The following FLII variants were observed in gnomAD, a reference collection of about 807,000 sequenced individuals.
FLII encodes FLII actin remodeling protein, also known as protein flightless-1 homolog.
Under a neutral mutation model 156.2 loss-of-function variants are expected in FLII, and 101 were observed. The observed-to-expected ratio is 0.65, with a 90% CI of 0.55 to 0.76. The LOEUF is 0.76. FLII is among the 30% of genes least tolerant of loss of function. The probability of loss-of-function intolerance (pLI) is 0.00; values close to 1 mark genes in which losing one functional copy is unlikely to be tolerated. For missense variants in FLII, 1,675 were observed against 1,682.8 expected, an observed-to-expected ratio of 1.00 and a Z score of 0.08; for synonymous variants, 767 against 685.8, an observed-to-expected ratio of 1.12 and a Z score of -1.85.
At position 18,251,398 on chromosome 17, in the gene FLII, G is replaced by T. The variant is rs767249598; in HGVS notation, c.1463C>A (p.Ser488Tyr). Residue 488 changes from serine to tyrosine, a missense_variant, in exon 13 of 30, where the codon TCC (serine) becomes TAC (tyrosine). Ser to Tyr is a moderately radical substitution (Grantham distance 144). Transcript: ENST00000327031. ...QGLEKPRLDY[S>Y]EFFTEDVGQL... ...GCCCACGTCCTCCGTGAAGAACTCG[G>T]AGTAGTCAAGGCGGGGCTTCTCCAG... is the stretch of plus-strand genomic sequence containing the variant. The T allele has an allele frequency of 1.7e-5, 27 of 1,613,402 alleles. No homozygotes were observed. The highest frequency in any genetic ancestry group is 3.3e-5 in the Admixed American group (2 of 60,008).
At chr17:18,256,416 C>G in intron 3 of FLII, 110 bp downstream of exon 3, 3 of 831,266 alleles carry the variant, frequency 3.6e-6, no homozygotes, top group Non-Finnish European at 5.9e-6. Context: ...GAGCCTGACA[C>G]GGAGGTGGGC....
chr17:18,251,305 T>C lies in FLII; in HGVS notation c.1556A>G (p.His519Arg), dbSNP rs1227418877. 1.2e-6 allele frequency: 2 copies of C among 1,613,986 alleles called. No homozygotes were observed. Among genetic ancestry groups the C allele is most frequent in the South Asian group, 1.1e-5 (1 of 91,084 alleles). The change falls in exon 13 of 30, where the codon CAC becomes CGC. Residue 519 changes from histidine to arginine, a missense_variant. Around this residue, in one of 2 missense-constraint regions of FLII, gnomAD observed 1,332 missense variants for 1,269.3 expected, o/e 1.05. Transcript: ENST00000327031. ...FVPVLVEEAF[H>R]GKFYEADCYI... Reference sequence around the variant, plus strand: ...GCAGTCAGCCTCGTAGAACTTGCCGTGGAAGGCTTCCTCCACCAGCACAGG... The same window carrying C: ...GCAGTCAGCCTCGTAGAACTTGCCGCGGAAGGCTTCCTCCACCAGCACAGG...
intron 27 of FLII, 31 bp from the exon 28 acceptor site, chr17:18,245,691 G>A (rs982751803): frequency 1.2e-6 from 2 of 1,612,122 alleles, no homozygotes; most frequent in Non-Finnish European, 8.5e-7. Flanking sequence ...TGAGGCCAGA[G>A]GTCATAAGCA....
Position 18,245,758 on chromosome 17 carries a change from G to GTGTT in FLII, c.3485_3488dup (p.His1163GlnfsTer19), listed in dbSNP as rs2048020247. On this transcript the variant is annotated frameshift_variant, in exon 27 of 30. Transcript: ENST00000327031. LOFTEE classifies it high-confidence loss of function. ...CCTGGCCTCACCGGAAGAGACGTGT[G>GTGTT]TGTTTCATGTACTCGGCATCGTCAT... 6.8e-6 allele frequency: 11 copies of GTGTT among 1,613,940 alleles called. No individual in the cohort carries two copies. Among genetic ancestry groups the GTGTT allele is most frequent in the Non-Finnish European group, 9.3e-6 (11 of 1,179,892 alleles).
At chr17:18,256,420 G>A (rs748759767) in intron 3 of FLII, 106 bp downstream of exon 3, 305 of 862,406 alleles carry the variant, frequency 3.5e-4, no homozygotes, top group Non-Finnish European at 5.3e-4. Flanking sequence ...CTGACACGGA[G>A]GTGGGCAGAA....
upstream of FLII, chr17:18,258,987 G>C (rs2048513310): frequency 4.8e-6 from 1 of 206,410 alleles, no homozygotes; most frequent in South Asian, 1.9e-4. This position sits in a 1 kb window ranked among gnomAD's most constrained non-coding sequence, Gnocchi z 4.2. Context: ...CGCTGGTCGA[G>C]GCACCGTCAC....
Position 18,252,091 on chromosome 17 carries a change from C to A in FLII, c.1154G>T (p.Arg385Leu). The A allele has an allele frequency of 6.2e-7, 1 of 1,613,424 alleles. No homozygotes were observed. Among genetic ancestry groups the A allele is most frequent in the Non-Finnish European group, 8.5e-7 (1 of 1,180,032 alleles). The change falls in exon 11 of 30, where the codon CGT (arginine) becomes CTT (leucine). Residue 385 changes from arginine to leucine, a missense_variant. This residue lies in a region of FLII where 1,332 missense variants were observed against 1,269.3 expected (regional missense o/e 1.05). Coordinates refer to ENST00000327031, the MANE Select transcript of FLII (RefSeq NM_002018.4). ...NLVMPPKPADRAAEWYNIDFS... is the reference protein window; with the variant it reads ...NLVMPPKPADLAAEWYNIDFS... ...GTCGATGTTGTACCACTCAGCGGCA[C>A]GGTCTGCGGGCTTGGGCGGCATGAC... is the stretch of plus-strand genomic sequence containing the variant.
In FLII at chr17:18,253,414, A is replaced by G; in HGVS notation, c.900T>C (p.Asn300=). Residue 300 remains asparagine, a synonymous_variant, in exon 9 of 30, where the codon AAT becomes AAC. Transcript: ENST00000327031. ...GCCCGTCAAAGTCCAGCTTGTTGGA[A>G]TTCAGGTACAGCTTCTTCAGCTTGC... The part of the protein sequence containing the change: ...KLSKLKKLYL[N]SNKLDFDGLP... 1 of 1,613,898 alleles carries G rather than the reference A, an allele frequency of 6.2e-7. No homozygotes were observed. The highest frequency in any genetic ancestry group is 1.7e-5 in the Admixed American group (1 of 60,022).
intron 9 of FLII, 75 bp from the exon 10 acceptor site, chr17:18,252,631 T>C: frequency 8.3e-7 from 1 of 1,203,308 alleles, no homozygotes; most frequent in Non-Finnish European, 1.2e-6. Context: ...CCCCTAGTCC[T>C]GGGGAGGGGA....
chr17:18,245,077 G>T lies in FLII; in HGVS notation c.*61C>A. The T allele has an allele frequency of 6.4e-7, 1 of 1,551,152 alleles. No individual in the cohort carries two copies. Reference sequence around the variant, plus strand: ...TGTCACCTGAGTACATTCTTTGCTAGCAGACAGTGGATGAGGCCCCTTCCT... The same window carrying T: ...TGTCACCTGAGTACATTCTTTGCTATCAGACAGTGGATGAGGCCCCTTCCT... On this transcript the variant is annotated 3_prime_UTR_variant, in exon 30 of 30. Transcript: ENST00000327031.
In FLII at chr17:18,251,380, T is replaced by C. The variant is rs1291559137; in HGVS notation, c.1481A>G (p.Asp494Gly). ...RLDYSEFFTEDVGQLPGLTIW... is the reference protein window; with the variant it reads ...RLDYSEFFTEGVGQLPGLTIW... The stretch of plus-strand genomic sequence containing the variant: ...GGTCAGTCCGGGCAGCTGGCCCACG[T>C]CCTCCGTGAAGAACTCGGAGTAGTC... The change falls in exon 13 of 30, where the codon GAC becomes GGC. Residue 494 changes from aspartate to glycine, a missense_variant. Coordinates refer to ENST00000327031, the MANE Select transcript of FLII (RefSeq NM_002018.4). 6 of 1,613,632 alleles carry C rather than the reference T, an allele frequency of 3.7e-6. No individual in the cohort carries two copies. Among genetic ancestry groups the C allele is most frequent in the Non-Finnish European group, 5.1e-6 (6 of 1,180,010 alleles).
rs2048446510 is a variant in FLII at position 18,257,209 on chromosome 17, C to G, written c.64-190G>C. 1.1e-5 allele frequency: 6 copies of G among 553,784 alleles called. No individual in the cohort carries two copies. The South Asian group carries it at 1.4e-4, about 13-fold the overall frequency. The allele number at this position is 553,784 out of a possible 1,614,324, so 34.3% of individuals were successfully genotyped here. A position where few individuals can be genotyped will look rare whatever the true frequency, so the allele number is the denominator to read the frequency against. On this transcript the variant is annotated intron_variant, in intron 1 of 29. Transcript: ENST00000327031. Reference sequence around the variant, plus strand: ...ATGGGAATTTTAAGCCCCCCCGTGACAAAAGTGTTGGCCTAAGATTTGTCT... The same window carrying G: ...ATGGGAATTTTAAGCCCCCCCGTGAGAAAAGTGTTGGCCTAAGATTTGTCT...
At chr17:18,247,484 A>G (rs531200574) in intron 20 of FLII, 127 bp from the exon 21 acceptor site, 14 of 1,091,454 alleles carry the variant, frequency 1.3e-5, no homozygotes, top group Non-Finnish European at 1.7e-5. Flanking sequence ...GGCCTCGGAC[A>G]CGGAGGTAGG....
rs1167948079 is a variant in FLII, at chr17:18,248,718, G to A, written c.2022C>T (p.Leu674=). ...CATTCTTGTTAATTTTCTCTGCAAA[G>A]AGCCTGAGAGCAGGATGCAAAGTCA... is the stretch of plus-strand genomic sequence containing the variant. The part of the protein sequence containing the change: ...ATLSSTTKAR[L]FAEKINKNER... The change falls in exon 18 of 30, where the codon CTC becomes CTT. Residue 674 remains leucine (L), a synonymous_variant. Coordinates refer to ENST00000327031, the MANE Select transcript of FLII (RefSeq NM_002018.4). 1 of 1,613,622 alleles carries A rather than the reference G, an allele frequency of 6.2e-7. No homozygotes were observed.
rs756042691 is a variant in FLII, at chr17:18,245,088, A to C, written c.*50T>G. 72 of 1,571,558 alleles carry C rather than the reference A, an allele frequency of 4.6e-5. No homozygotes were observed. The highest frequency in any genetic ancestry group is 6.2e-5 in the Non-Finnish European group (72 of 1,154,140). On this transcript the variant is annotated 3_prime_UTR_variant, in exon 30 of 30. Coordinates refer to ENST00000327031, the MANE Select transcript of FLII (RefSeq NM_002018.4). ...TACATTCTTTGCTAGCAGACAGTGG[A>C]TGAGGCCCCTTCCTCTTCCTCACCA...
intron 2 of FLII, 103 bp from the exon 3 acceptor site, chr17:18,256,700 C>T (rs1057142501): frequency 5.8e-6 from 6 of 1,032,554 alleles, no homozygotes; most frequent in Non-Finnish European, 8.8e-6. Flanking sequence ...CTCAGCCACA[C>T]TGGCCCAACT....
intron 1 of FLII, among the ~76,000 whole-genome samples, chr17:18,257,453 CAG>C (rs2048456996): frequency 6.6e-6 from 1 of 152,250 alleles, no homozygotes; most frequent in Non-Finnish European, 1.5e-5. Context: ...AACTCACGGC[CAG>C]GGTCAAACCC....
At chr17:18,254,949 G>C (rs2048373129) in intron 4 of FLII, 95 bp from the exon 5 acceptor site, 3 of 1,278,830 alleles carry the variant, frequency 2.3e-6, no homozygotes, top group South Asian at 1.2e-5. Flanking sequence ...AGTTGGGTGT[G>C]GGGGTAGATG....
At chr17:18,249,069 C>G in intron 16 of FLII, 58 bp downstream of exon 16, 1 of 1,520,318 alleles carries the variant, frequency 6.6e-7, no homozygotes, top group East Asian at 2.3e-5. Flanking sequence ...CACCTGCCCC[C>G]ACTGGTGGGG....
Sources: allele counts gnomAD v4.1 joint callset (sites outside exome capture counted in the v4.1 genomes callset), GRCh38; gene constraint gnomAD v4.1.1; regional missense constraint gnomAD v4.1.1; non-coding constraint Gnocchi (gnomAD v3.1); transcripts MANE v1.5; gene names NCBI Gene and HGNC (gene_info 2026-07-23, HGNC 2026-07-21).